Variants in TGM1 observed in about 807,000 individuals in gnomAD.
TGM1 encodes transglutaminase 1.
TGM1 carries 63 observed loss-of-function variants against 88.7 expected under a neutral mutation model. The ratio of observed to expected loss-of-function variants is 0.71; its 90% CI spans 0.58 to 0.88. The LOEUF (loss-of-function observed/expected upper bound fraction) is 0.88, where lower values mean the gene tolerates loss of function less well. Among genes scored for constraint, TGM1 ranks in the 40% least tolerant of loss-of-function variants. The probability of loss-of-function intolerance (pLI) is 0.00; values close to 1 mark genes in which losing one functional copy is unlikely to be tolerated. For missense variants in TGM1, 996 were observed against 1,118.0 expected, an observed-to-expected ratio of 0.89 and a Z score of 1.56; for synonymous variants, 415 against 431.1, an observed-to-expected ratio of 0.96 and a Z score of 0.46.
At chr14:24,249,636 G>A in intron 14 of TGM1, 95 bp from the exon 15 acceptor site, 1 of 1,110,408 alleles carries the variant, frequency 9.0e-7, no homozygotes, top group Non-Finnish European at 1.3e-6. Context: ...GAAGCAGGAG[G>A]TGGACCCATT....
rs771317843 is a variant in TGM1 at position 24,255,076 on chromosome 14, C to G, written c.1823G>C (p.Arg608Pro). 2 of 1,614,022 alleles carry G rather than the reference C, an allele frequency of 1.2e-6. No homozygotes were observed. The highest frequency in any genetic ancestry group is 1.7e-6 in the Non-Finnish European group (2 of 1,180,042). ...VMLINHSSSR[R>P]TVKLHLYLSV... ...GAGGTAGAGGTGCAGTTTCACTGTG[C>G]GGCGGCTGCTGCTGTGATTGATCAG... is the stretch of plus-strand genomic sequence containing the variant. The change falls in exon 12 of 15, where the codon CGC becomes CCC. Residue 608 changes from arginine to proline, a missense_variant. Coordinates refer to ENST00000206765, the MANE Select transcript of TGM1 (RefSeq NM_000359.3). This position sits in a 1 kb window ranked among gnomAD's most constrained non-coding sequence, Gnocchi z 4.0.
intron 14 of TGM1, among the ~76,000 whole-genome samples, chr14:24,251,194 A>G (rs1411344730): frequency 6.6e-6 from 1 of 152,198 alleles, no homozygotes; most frequent in African/African-American, 2.4e-5. Flanking sequence ...GGGATATATA[A>G]TAGAACGTAG....
rs2040822667 is a variant in TGM1 at position 24,262,486 on chromosome 14, C to G, written c.-2-132G>C. 4.6e-5 allele frequency: 44 copies of G among 948,834 alleles called. No homozygotes were observed. The South Asian group carries it at 6.1e-4, about 13-fold the overall frequency. The allele number at this position is 948,834 out of a possible 1,614,324, so 58.8% of individuals were successfully genotyped here. A position where few individuals can be genotyped will look rare whatever the true frequency, so the allele number is the denominator to read the frequency against. On this transcript the variant is annotated intron_variant, in intron 1 of 14. Coordinates refer to ENST00000206765, the MANE Select transcript of TGM1 (RefSeq NM_000359.3). Reference sequence around the variant, plus strand: ...AATCCCACCTTGGCCCAGAGATTCTCCAGACACATCCAGAGACCTTCCGCG... The same window carrying G: ...AATCCCACCTTGGCCCAGAGATTCTGCAGACACATCCAGAGACCTTCCGCG...
chr14:24,258,483 A>G (rs998255739), intron 8 of TGM1, 52 bp downstream of exon 8: 1 of 1,198,804 alleles, frequency 8.3e-7, no homozygotes, highest in Non-Finnish European at 1.2e-6. Flanking sequence ...CTCCACCTCC[A>G]AAGCTCAGGT....
At chr14:24,254,054 A>G in intron 14 of TGM1, 98 bp downstream of exon 14, 1 of 1,524,278 alleles carries the variant, frequency 6.6e-7, no homozygotes, top group Non-Finnish European at 8.9e-7. Flanking sequence ...CTGACAGAAC[A>G]TACTTGTCCA....
In TGM1 at chr14:24,262,257, G is replaced by GTCTGGCTCTGGC. The variant is rs762513810; in HGVS notation, c.84_95dup (p.Glu28_Pro31dup). ...GGCCTCCTCCTCTGCGAGAGCGTCC[G>GTCTGGCTCTGGC]TCTGGCTCTGGCTCTGGCTCTGGAG... On this transcript the variant is annotated inframe_insertion, in exon 2 of 15. Transcript: ENST00000206765. The GTCTGGCTCTGGC allele has an allele frequency of 1.9e-6, 3 of 1,613,656 alleles. No homozygotes were observed. The highest frequency in any genetic ancestry group is 2.5e-6 in the Non-Finnish European group (3 of 1,180,040).
At chr14:24,258,749 G>A in intron 7 of TGM1, 76 bp from the exon 8 acceptor site, 4 of 1,590,834 alleles carry the variant, frequency 2.5e-6, no homozygotes, top group Non-Finnish European at 3.4e-6. Context: ...GTATCAGGGG[G>A]AGAAGGGCAA....
At position 24,255,343 on chromosome 14, in the gene TGM1, G is replaced by T. The variant is rs758788643; in HGVS notation, c.1645+21C>A. On this transcript the variant is annotated intron_variant, in intron 11 of 14. Transcript: ENST00000206765. This position sits in a 1 kb window ranked among gnomAD's most constrained non-coding sequence, Gnocchi z 4.0. The stretch of plus-strand genomic sequence containing the variant: ...ACACTTGTTGTGGGGCCCAGAGCTG[G>T]CTGGGTTGGGGGAATGGTACCTTCT... 3 of 1,614,230 alleles carry T rather than the reference G, an allele frequency of 1.9e-6. No homozygotes were observed. The highest frequency in any genetic ancestry group is 2.5e-6 in the Non-Finnish European group (3 of 1,180,052).
Position 24,259,868 on chromosome 14 carries a change from C to T in TGM1, c.877-57G>A, listed in dbSNP as rs1594571851. 2 of 1,608,600 alleles carry T rather than the reference C, an allele frequency of 1.2e-6. No homozygotes were observed. Among genetic ancestry groups the T allele is most frequent in the African/African-American group, 1.3e-5 (1 of 74,806 alleles). On this transcript the variant is annotated intron_variant, in intron 5 of 14. Coordinates refer to ENST00000206765, the MANE Select transcript of TGM1 (RefSeq NM_000359.3). This position sits in a 1 kb window ranked among gnomAD's most constrained non-coding sequence, Gnocchi z 5.7. Reference sequence around the variant, plus strand: ...GCCTGAACCCTAGGCCAGCACCCTGCTCCAATACCCCAGCCCCCACACCCA... The same window carrying T: ...GCCTGAACCCTAGGCCAGCACCCTGTTCCAATACCCCAGCCCCCACACCCA...
chr14:24,249,261 G>A lies in TGM1; in HGVS notation c.*52C>T. ...CTGCTCTGTAGTGTGCCCCTATCTT[G>A]GGGCAATGTCCTTGCTCATCTGACT... On this transcript the variant is annotated 3_prime_UTR_variant, in exon 15 of 15. Transcript: ENST00000206765. 6.4e-7 allele frequency: 1 copy of A among 1,555,952 alleles called. No homozygotes were observed. Among genetic ancestry groups the A allele is most frequent in the Non-Finnish European group, 8.8e-7 (1 of 1,133,600 alleles).
rs1258993099 is a variant in TGM1, at chr14:24,262,304, A to C, written c.49T>G (p.Leu17Val). 1 of 1,613,688 alleles carries C rather than the reference A, an allele frequency of 6.2e-7. No homozygotes were observed. Reference sequence around the variant, plus strand: ...GGAGATGGCGTGGTAGGGGGCTGCAAGGGGTTGCCACCCCAACGGCCCACA... The same window carrying C: ...GGAGATGGCGTGGTAGGGGGCTGCACGGGGTTGCCACCCCAACGGCCCACA... ...SDVGRWGGNP[L>V]QPPTTPSPEP... Residue 17 changes from leucine (L) to valine (V), a missense_variant, in exon 2 of 15, where the codon TTG (leucine) becomes GTG (valine). Physicochemically the swap from Leu to Val is conservative, Grantham distance 32. Coordinates refer to ENST00000206765, the MANE Select transcript of TGM1 (RefSeq NM_000359.3).
intron 3 of TGM1, among the ~76,000 whole-genome samples, chr14:24,261,347 G>GGA (rs897377893): frequency 3.3e-5 from 5 of 151,976 alleles, no homozygotes; most frequent in East Asian, 1.9e-4. Context: ...AAGGCAAGAG[G>GGA]GAGAGAGAGA....
At chr14:24,252,319 C>T (rs932573378) in intron 14 of TGM1, among the ~76,000 whole-genome samples, 1 of 152,228 alleles carries the variant, frequency 6.6e-6, no homozygotes, top group Admixed American at 6.5e-5. Context: ...GGGAGACTCA[C>T]ATAAACCCTA....
At chr14:24,260,183 G>A in intron 4 of TGM1, 125 bp from the exon 5 acceptor site, 2 of 1,002,060 alleles carry the variant, frequency 2.0e-6, no homozygotes, top group Non-Finnish European at 1.6e-6. Flanking sequence ...TAGCCTGACA[G>A]GACTGCTGTG....
At position 24,260,388 on chromosome 14, in the gene TGM1, C is replaced by A. The variant is rs2040798205; in HGVS notation, c.757+62G>T. 3 of 1,609,650 alleles carry A rather than the reference C, an allele frequency of 1.9e-6. No individual in the cohort carries two copies. In the East Asian group the frequency reaches 6.7e-5, roughly 36 times the overall value. ...CTAGGCACCCCGCCACATCCGAGGG[C>A]AGGAAGCCCTTCCCTGTCTTTCCCT... is the stretch of plus-strand genomic sequence containing the variant. On this transcript the variant is annotated intron_variant, in intron 4 of 14. Coordinates refer to ENST00000206765, the MANE Select transcript of TGM1 (RefSeq NM_000359.3).
chr14:24,260,370 C>A lies in TGM1; in HGVS notation c.757+80G>T, dbSNP rs917612536. 5.7e-6 allele frequency: 9 copies of A among 1,591,004 alleles called. No individual in the cohort carries two copies. The Admixed American group carries it at 1.0e-4, about 19-fold the overall frequency. On this transcript the variant is annotated intron_variant, in intron 4 of 14. Transcript: ENST00000206765. ...TCTCCTGGGGTCAGGCACCTAGGCA[C>A]CCCGCCACATCCGAGGGCAGGAAGC...
At position 24,260,534 on chromosome 14, in the gene TGM1, G is replaced by A. The variant is rs773479626; in HGVS notation, c.673C>T (p.Arg225Cys). Residue 225 changes from arginine (R) to cysteine (C), a missense_variant, in exon 4 of 15, where the codon CGC becomes TGC. Coordinates refer to ENST00000206765, the MANE Select transcript of TGM1 (RefSeq NM_000359.3). ...AIIGKFQFTV[R>C]TQSDAGEFQL... ...AACTCCCCAGCGTCTGATTGTGTGC[G>A]GACTGTGAACTGAAACTTGCCGATG... 1.3e-5 allele frequency: 21 copies of A among 1,614,106 alleles called. No individual in the cohort carries two copies. Among genetic ancestry groups the A allele is most frequent in the Middle Eastern group, 3.3e-4 (2 of 6,084 alleles).
chr14:24,258,482 C>T (rs1247091505), intron 8 of TGM1, 53 bp downstream of exon 8: 1 of 1,612,326 alleles, frequency 6.2e-7, no homozygotes, highest in Non-Finnish European at 8.5e-7. Context: ...CCTCCACCTC[C>T]AAAGCTCAGG....
Position 24,255,380 on chromosome 14 carries a change from G to C in TGM1, c.1629C>G (p.Leu543=). ...GAATGGTACCTTCTGGGTGCTTATA[G>C]AGGTAGGTGATGTCCTCCCGCATGT... The part of the protein sequence containing the change: ...SSNMREDITY[L]YKHPEGSDAE... Residue 543 remains leucine, a synonymous_variant, in exon 11 of 15, where the codon CTC becomes CTG. Coordinates refer to ENST00000206765, the MANE Select transcript of TGM1 (RefSeq NM_000359.3). The surrounding 1 kb of genome is among the most constrained non-coding windows in gnomAD (Gnocchi z 4.0). The C allele has an allele frequency of 6.2e-7, 1 of 1,614,222 alleles. No individual in the cohort carries two copies. The highest frequency in any genetic ancestry group is 8.5e-7 in the Non-Finnish European group (1 of 1,180,046).
Sources: allele counts gnomAD v4.1 joint callset (sites outside exome capture counted in the v4.1 genomes callset), GRCh38; gene constraint gnomAD v4.1.1; non-coding constraint Gnocchi (gnomAD v3.1); transcripts MANE v1.5; gene names NCBI Gene and HGNC (gene_info 2026-07-23, HGNC 2026-07-21).